Variants in RBM45 observed in about 807,000 individuals in gnomAD.
The protein encoded by RBM45 is RNA-binding protein 45.
A neutral mutation model predicts 58.5 loss-of-function variants in RBM45; 39 were observed. That is an observed-to-expected ratio of 0.67 (90% confidence interval 0.52 to 0.87). RBM45 has a LOEUF of 0.87. RBM45 is among the 40% of genes least tolerant of loss of function. The pLI is 0.00. For synonymous variants in RBM45, 193 were observed against 203.0 expected (o/e 0.95, Z 0.42); for missense variants, 481 against 581.6 (o/e 0.83, Z 1.78).
chr2:178,119,330 G>T (rs373955044), intron 3 of RBM45, among the ~76,000 whole-genome samples: 5 of 152,182 alleles, frequency 3.3e-5, no homozygotes, highest in East Asian at 1.9e-4. Flanking sequence ...ACTTGTGTCT[G>T]GTGTCGAGGA....
intron 2 of RBM45, 49 bp downstream of exon 2, chr2:178,116,433 A>T (rs761810827): frequency 6.6e-7 from 1 of 1,504,684 alleles, no homozygotes; most frequent in East Asian, 2.4e-5. Context: ...AGTCCTGCAT[A>T]GGTTGTATGG....
intron 1 of RBM45, 134 bp from the exon 2 acceptor site, chr2:178,116,128 C>CTTTTTTTT: frequency 9.3e-7 from 1 of 1,074,336 alleles, no homozygotes. Context: ...CTGCAGCCTG[C>CTTTTTTTT]TTTTTTTTTT....
intron 9 of RBM45, among the ~76,000 whole-genome samples, chr2:178,127,418 T>C (rs1222809370): frequency 1.3e-5 from 2 of 152,192 alleles, no homozygotes; most frequent in African/African-American, 4.8e-5. Context: ...ACCAATTGTG[T>C]GAGCTAGCAC....
At chr2:178,121,590 C>G (rs963468645) in intron 5 of RBM45, among the ~76,000 whole-genome samples, 6 of 152,028 alleles carry the variant, frequency 3.9e-5, no homozygotes, top group Admixed American at 2.6e-4. Flanking sequence ...AATATATCTT[C>G]TTTTTACAAA....
At chr2:178,131,064 A>G (rs2088000580), downstream of RBM45, among the ~76,000 whole-genome samples, 1 of 152,186 alleles carries the variant, frequency 6.6e-6, no homozygotes, top group South Asian at 2.1e-4. Flanking sequence ...CTGTTATTGT[A>G]CCTGTGAATA....
At chr2:178,116,202 T>C in intron 1 of RBM45, 60 bp from the exon 2 acceptor site, 1 of 1,502,698 alleles carries the variant, frequency 6.7e-7, no homozygotes, top group Non-Finnish European at 8.9e-7. Context: ...TTTGAAAAAA[T>C]TTAAGAAATG....
In RBM45 at chr2:178,121,202, T is replaced by A. The variant is rs762508284; in HGVS notation, c.696T>A (p.Ser232Arg). Residue 232 changes from serine (S) to arginine (R), a missense_variant, in exon 5 of 10, where the codon AGT (serine) becomes AGA (arginine). Ser to Arg is a moderately radical substitution (Grantham distance 110). Coordinates refer to ENST00000286070, the MANE Select transcript of RBM45 (RefSeq NM_152945.4). ...FPFEQQSEFS[S>R]FDKNDSRGQE... Reference sequence around the variant, plus strand: ...GAGAACAACAATCTGAATTTTCAAGTTTTGACAAGAATGATAGCCGAGGCC... The same window carrying A: ...GAGAACAACAATCTGAATTTTCAAGATTTGACAAGAATGATAGCCGAGGCC... 1 of 1,565,864 alleles carries A rather than the reference T, an allele frequency of 6.4e-7. No homozygotes were observed.
At chr2:178,125,360 A>T (rs2087914759) in intron 8 of RBM45, among the ~76,000 whole-genome samples, 1 of 152,220 alleles carries the variant, frequency 6.6e-6, no homozygotes, top group Non-Finnish European at 1.5e-5. Context: ...TGTTGCTGTG[A>T]TAAGGAATGT....
chr2:178,117,853 C>T (rs549548730), intron 2 of RBM45, among the ~76,000 whole-genome samples: 3 of 152,204 alleles, frequency 2.0e-5, no homozygotes, highest in Non-Finnish European at 2.9e-5. Flanking sequence ...TGACTTTGTC[C>T]CTCTTTGATT....
chr2:178,113,225 G>T (rs1167882888), intron 1 of RBM45, among the ~76,000 whole-genome samples: 2 of 152,154 alleles, frequency 1.3e-5, no homozygotes, highest in Admixed American at 1.3e-4. Flanking sequence ...TCCTCTCTCA[G>T]ATGCCCAGAT....
chr2:178,131,786 G>C (rs1293993533), downstream of RBM45, among the ~76,000 whole-genome samples: 2 of 152,138 alleles, frequency 1.3e-5, no homozygotes, highest in African/African-American at 4.8e-5. Flanking sequence ...AATCCTCTCA[G>C]TTATTTAGCC....
chr2:178,120,297 A>T lies in RBM45; in HGVS notation c.561A>T (p.Ala187=). 1.2e-6 allele frequency: 2 copies of T among 1,612,652 alleles called. No homozygotes were observed. The highest frequency in any genetic ancestry group is 1.7e-6 in the Non-Finnish European group (2 of 1,179,482). ...ATGGGGTTTTTTCAGGTTTTAGAGC[A>T]ATCTTGGCTGAACCTAAAAATAAAG... ...AIENCDRSFR[A]ILAEPKNKAS... Residue 187 remains alanine (A), a synonymous_variant, in exon 4 of 10, where the codon GCA becomes GCT. Transcript: ENST00000286070.
intron 3 of RBM45, among the ~76,000 whole-genome samples, chr2:178,118,407 A>G (rs1485532504): frequency 6.6e-6 from 1 of 152,196 alleles, no homozygotes; most frequent in Non-Finnish European, 1.5e-5. Context: ...TTAACTTAGT[A>G]AGTGAAATGC....
intron 1 of RBM45, 45 bp downstream of exon 1, chr2:178,112,891 C>T (rs1268943347): frequency 3.8e-6 from 6 of 1,567,450 alleles, no homozygotes; most frequent in South Asian, 1.2e-5. Flanking sequence ...AGGAGTGGGC[C>T]TCTTGGACCT....
chr2:178,129,488 T>G lies in RBM45; in HGVS notation c.*100T>G, dbSNP rs2087980046. 6.6e-6 allele frequency: 1 copy of G among 152,648 alleles called. No individual in the cohort carries two copies. The highest frequency in any genetic ancestry group is 2.4e-5 in the African/African-American group (1 of 41,460). The allele number at this position is 152,648 out of a possible 1,614,324, so 9.5% of individuals were successfully genotyped here. A position where few individuals can be genotyped will look rare whatever the true frequency, so the allele number is the denominator to read the frequency against. On this transcript the variant is annotated 3_prime_UTR_variant, in exon 10 of 10. Coordinates refer to ENST00000286070, the MANE Select transcript of RBM45 (RefSeq NM_152945.4). ...GTGGACAGTTGACAGCTTTTTTTTT[T>G]TCCATATACCTGATAGTCTGTGTAC...
downstream of RBM45, chr2:178,133,972 G>A (rs535970246): frequency 6.6e-6 from 1 of 152,252 alleles, no homozygotes; most frequent in East Asian, 1.9e-4. Context: ...TCATTACAAT[G>A]GCCATGCTTT....
At chr2:178,112,891 C>G in intron 1 of RBM45, 45 bp downstream of exon 1, 1 of 1,567,568 alleles carries the variant, frequency 6.4e-7, no homozygotes, top group Non-Finnish European at 8.7e-7. Flanking sequence ...AGGAGTGGGC[C>G]TCTTGGACCT....
chr2:178,134,000 A>T (rs1242776545), downstream of RBM45: 1 of 152,216 alleles, frequency 6.6e-6, no homozygotes, highest in African/African-American at 2.4e-5. Flanking sequence ...TTTAAGGTAG[A>T]AAAGTCTTGT....
At position 178,112,537 on chromosome 2, in the gene RBM45, G is replaced by A; in HGVS notation, c.-10G>A. The stretch of plus-strand genomic sequence containing the variant: ...AGAGCAGTGAGGCTCCTGCATTCGG[G>A]TGGAGCACCATGGACGAAGCTGGCA... On this transcript the variant is annotated 5_prime_UTR_variant, in exon 1 of 10. The change creates a new upstream start codon in the 5' untranslated region. Coordinates refer to ENST00000286070, the MANE Select transcript of RBM45 (RefSeq NM_152945.4). 6.2e-7 allele frequency: 1 copy of A among 1,610,572 alleles called. No individual in the cohort carries two copies. The highest frequency in any genetic ancestry group is 8.5e-7 in the Non-Finnish European group (1 of 1,178,194).
Sources: gnomAD v4.1 joint callset for allele counts (sites outside exome capture counted in the v4.1 genomes callset) on GRCh38, gnomAD v4.1.1 for gene constraint, MANE v1.5 for transcripts, NCBI Gene and HGNC (gene_info 2026-07-23, HGNC 2026-07-21) for gene names.